Variants in PCSK7 observed in about 807,000 individuals in gnomAD.
PCSK7 encodes the protein proprotein convertase subtilisin/kexin type 7, also known as lymphoma proprotein convertase.
In PCSK7, 38 loss-of-function variants were observed where a neutral mutation model predicts 73.3. That is an observed-to-expected ratio of 0.52 (90% confidence interval 0.40 to 0.68). The LOEUF (loss-of-function observed/expected upper bound fraction) is 0.68, where lower values mean the gene tolerates loss of function less well. Ranked by LOEUF, PCSK7 falls within the 30% of genes least tolerant of loss-of-function variation. The pLI is 0.00. For missense variants in PCSK7, 692 were observed against 991.5 expected (o/e 0.70, Z 4.06); for synonymous variants, 296 against 383.8 (o/e 0.77, Z 2.68).
At chr11:117,229,897 T>C in intron 2 of PCSK7, 41 bp from the exon 3 acceptor site, 2 of 1,215,374 alleles carry the variant, frequency 1.6e-6, no homozygotes. Context: ...ATCAAAGAGC[T>C]GGTAACTGCA....
intron 12 of PCSK7, chr11:117,213,120 A>T (rs1401620481): frequency 3.9e-5 from 6 of 152,138 alleles, no homozygotes; most frequent in Non-Finnish European, 8.8e-5. Flanking sequence ...TGCCTATAAC[A>T]CTGCACTATG....
chr11:117,227,390 G>A (rs1013432715), intron 4 of PCSK7, 68 bp from the exon 5 acceptor site: 18 of 1,197,294 alleles, frequency 1.5e-5, no homozygotes, highest in Non-Finnish European at 1.7e-5. Flanking sequence ...GGGGTTCAGG[G>A]ACAGAAAGGA....
intron 8 of PCSK7, chr11:117,223,800 G>C (rs1337964890): frequency 1.6e-5 from 7 of 439,730 alleles, no homozygotes; most frequent in Non-Finnish European, 2.9e-5. Context: ...GCAGGCAGAA[G>C]GTGGCCCACA....
chr11:117,226,219 C>T (rs1174063350), intron 5 of PCSK7, 198 bp from the exon 6 acceptor site: 2 of 574,298 alleles, frequency 3.5e-6, no homozygotes, highest in East Asian at 5.7e-5. Flanking sequence ...TCACTGCAGC[C>T]TCCACCTCCT....
intron 5 of PCSK7, chr11:117,226,747 GA>G (rs1485900614): frequency 5.8e-6 from 1 of 171,354 alleles, no homozygotes; most frequent in Non-Finnish European, 1.2e-5. Context: ...CGTTGAGTGT[GA>G]AAGAACCACA....
At position 117,219,724 on chromosome 11, in the gene PCSK7, C is replaced by G; in HGVS notation, c.1190G>C (p.Gly397Ala). Residue 397 changes from glycine (G) to alanine (A), a missense_variant, in exon 10 of 17, where the codon GGC becomes GCC. Gly to Ala is a moderately conservative substitution (Grantham distance 60). Transcript: ENST00000320934. ...TTDWDLQKGT[G>A]CTEGHTGTSA... ...GGTCCCTGTGTGGCCCTCAGTGCAG[C>G]CAGTGCCCTTCTGAAGGTCCCAGTC... 1 of 1,594,726 alleles carries G rather than the reference C, an allele frequency of 6.3e-7. No homozygotes were observed. The highest frequency in any genetic ancestry group is 1.8e-5 in the Admixed American group (1 of 55,492).
Position 117,218,241 on chromosome 11 carries a change from T to A in PCSK7, c.1534+225A>T. On this transcript the variant is annotated intron_variant, in intron 12 of 16. Coordinates refer to ENST00000320934, the MANE Select transcript of PCSK7 (RefSeq NM_004716.4). The surrounding 1 kb of genome is among the most constrained non-coding windows in gnomAD (Gnocchi z 4.0). ...TCCTCCTCAGTTGCTCTGCTGCTCCTTTTCACTACTAGGAACCCAGGAGAA... is the reference window on the plus strand; with the variant it reads ...TCCTCCTCAGTTGCTCTGCTGCTCCATTTCACTACTAGGAACCCAGGAGAA... The A allele has an allele frequency of 1.7e-5, 3 of 172,794 alleles. No homozygotes were observed. The highest frequency in any genetic ancestry group is 3.7e-5 in the Non-Finnish European group (3 of 81,128). The allele number at this position is 172,794 out of a possible 1,614,324, so 10.7% of individuals were successfully genotyped here. A position where few individuals can be genotyped will look rare whatever the true frequency, so the allele number is the denominator to read the frequency against.
intron 5 of PCSK7, 196 bp from the exon 6 acceptor site, chr11:117,226,217 G>A (rs2032420525): frequency 1.7e-6 from 1 of 574,550 alleles, no homozygotes; most frequent in South Asian, 2.1e-5. Flanking sequence ...GCTCACTGCA[G>A]CCTCCACCTC....
At chr11:117,211,220 C>T (rs2031718074) in intron 12 of PCSK7, 1 of 152,348 alleles carries the variant, frequency 6.6e-6, no homozygotes, top group Non-Finnish European at 1.5e-5. Flanking sequence ...AAGCAATTCT[C>T]CTGCCTCAGC....
rs36014587 is a variant in PCSK7 at position 117,204,760 on chromosome 11, C to CAAA, written c.*1234_*1236dup. 0.011 allele frequency: 1,922 copies of CAAA among 174,978 alleles called. 48 individuals carry two copies. The highest frequency in any genetic ancestry group is 0.048 in the African/African-American group (1,729 of 35,906). The allele number at this position is 174,978 out of a possible 1,614,324, so 10.8% of individuals were successfully genotyped here. A position where few individuals can be genotyped will look rare whatever the true frequency, so the allele number is the denominator to read the frequency against. ...CTGGAATATTTTTGGGGTTGGAACT[C>CAAA]AAAAAAAAAAAAAAAAAATCAATCT... On this transcript the variant is annotated 3_prime_UTR_variant, in exon 17 of 17. Coordinates refer to ENST00000320934, the MANE Select transcript of PCSK7 (RefSeq NM_004716.4).
rs1278878572 is a variant in PCSK7 at position 117,224,368 on chromosome 11, G to A, written c.916-152C>T. On this transcript the variant is annotated intron_variant, in intron 7 of 16. Coordinates refer to ENST00000320934, the MANE Select transcript of PCSK7 (RefSeq NM_004716.4). ...GGGGAAAGATTGGAAGATGGACCCC[G>A]CATGTGAGGGAGCTGTGAGTTGACC... The A allele has an allele frequency of 2.0e-5, 15 of 749,018 alleles. No individual in the cohort carries two copies. The Admixed American group carries it at 3.2e-4, about 16-fold the overall frequency. The allele number at this position is 749,018 out of a possible 1,614,324, so 46.4% of individuals were successfully genotyped here.
intron 9 of PCSK7, chr11:117,220,987 C>T (rs999382469): frequency 6.6e-6 from 1 of 152,364 alleles, no homozygotes; most frequent in African/African-American, 2.4e-5. Context: ...GCATCGAGCT[C>T]TTTTGGGGCT....
intron 12 of PCSK7, chr11:117,217,662 G>A (rs538634273): frequency 6.6e-6 from 1 of 152,156 alleles, no homozygotes; most frequent in Non-Finnish European, 1.5e-5. Context: ...TCACTTTCTA[G>A]GAGGACAGAA....
chr11:117,224,078 C>A lies in PCSK7; in HGVS notation c.1054G>T (p.Gly352Ter). The A allele has an allele frequency of 6.2e-7, 1 of 1,614,194 alleles. No homozygotes were observed. Among genetic ancestry groups the A allele is most frequent in the Non-Finnish European group, 8.5e-7 (1 of 1,180,002 alleles). ...YANSIYTVTI[G>*]AVDEEGRMPF... ...GAGCACAGAAACATTGGGTGACTACCTATGGTGACGGTGTAGATGGAGTTG... is the reference window on the plus strand; with the variant it reads ...GAGCACAGAAACATTGGGTGACTACATATGGTGACGGTGTAGATGGAGTTG... The change falls in exon 8 of 17, where the codon GGA becomes TGA. Residue 352 changes from glycine to a stop codon, truncating the protein, a stop_gained and splice_region_variant. Coordinates refer to ENST00000320934, the MANE Select transcript of PCSK7 (RefSeq NM_004716.4). LOFTEE classifies it high-confidence loss of function.
chr11:117,204,569 T>C lies in PCSK7; in HGVS notation c.*1428A>G, dbSNP rs757670102. 25 of 745,538 alleles carry C rather than the reference T, an allele frequency of 3.4e-5. No individual in the cohort carries two copies. The highest frequency in any genetic ancestry group is 8.2e-5 in the Admixed American group (4 of 48,744). 46.2% of individuals were successfully genotyped at this position (745,538 alleles called of 1,614,324 possible). On this transcript the variant is annotated 3_prime_UTR_variant, in exon 17 of 17. Coordinates refer to ENST00000320934, the MANE Select transcript of PCSK7 (RefSeq NM_004716.4). ...TTCTTACCCGAAAGCATCACTGCCT[T>C]GGCCCCTCCCTCCCGGCTGCCCCCA...
intron 7 of PCSK7, 99 bp from the exon 8 acceptor site, chr11:117,224,315 G>C: frequency 7.7e-7 from 1 of 1,302,642 alleles, no homozygotes; most frequent in Non-Finnish European, 1.1e-6. Flanking sequence ...GAAACAAAGG[G>C]AAAAAAGTTC....
At chr11:117,212,301 ATTTATGGCAGATGAGAAT>A (rs993655732) in intron 12 of PCSK7, 5 of 152,092 alleles carry the variant, frequency 3.3e-5, no homozygotes, top group Non-Finnish European at 7.3e-5. Context: ...ATTGACTTTC[ATTTATGGCAGATGAGAAT>A]CTAACAAATC....
intron 12 of PCSK7, chr11:117,216,144 T>A (rs977063422): frequency 1.3e-5 from 2 of 152,234 alleles, no homozygotes; most frequent in Admixed American, 1.3e-4. Context: ...CAACTGGTCA[T>A]GTTTTAAATG....
At chr11:117,229,105 CA>C (rs2032540160) in intron 3 of PCSK7, among the ~76,000 whole-genome samples, 1 of 152,218 alleles carries the variant, frequency 6.6e-6, no homozygotes, top group Non-Finnish European at 1.5e-5. Context: ...AGAGTTTAAG[CA>C]GCTTGCCCAA....
Sources: allele counts gnomAD v4.1 joint callset (sites outside exome capture counted in the v4.1 genomes callset), GRCh38; gene constraint gnomAD v4.1.1; non-coding constraint Gnocchi (gnomAD v3.1); transcripts MANE v1.5; gene names NCBI Gene and HGNC (gene_info 2026-07-23, HGNC 2026-07-21).